DAB1: variants seen among roughly 807,000 people sequenced by gnomAD.
The protein encoded by DAB1 is disabled homolog 1.
Under a neutral mutation model 64.6 loss-of-function variants are expected in DAB1, and 15 were observed. The ratio of observed to expected loss-of-function variants is 0.23; its 90% CI spans 0.16 to 0.36. The LOEUF (loss-of-function observed/expected upper bound fraction) is 0.36, where lower values mean the gene tolerates loss of function less well. Among genes scored for constraint, DAB1 ranks in the 10% least tolerant of loss-of-function variants. The pLI is 1.00. For missense variants in DAB1, 596 were observed against 706.7 expected, an observed-to-expected ratio of 0.84 and a Z score of 1.78; for synonymous variants, 235 against 251.9, an observed-to-expected ratio of 0.93 and a Z score of 0.64.
At chr1:57,057,169 C>T (rs1649856204) in intron 9 of DAB1, among the ~76,000 whole-genome samples, 1 of 151,908 alleles carries the variant, frequency 6.6e-6, no homozygotes, top group African/African-American at 2.4e-5. Flanking sequence ...ATGAATCTCC[C>T]CAGATAATGG....
rs1491290822 is a variant in DAB1 at position 57,533,672 on chromosome 1, TTA to T, written n.625+115918_625+115919del. The stretch of plus-strand genomic sequence containing the variant: ...CCATTCAGCTTCCTTGCAGCCAAAA[TTA>T]AAAAAAAAAAAATGCATGTATGACT... On this transcript the variant is annotated intron_variant and non_coding_transcript_variant, in intron 7 of 20. Coordinates refer to the DAB1 transcript ENST00000485760. 2.5e-4 allele frequency among the ~76,000 whole-genome samples: 6 copies of T among 23,740 alleles called. No homozygotes were observed. The Admixed American group carries it at 4.6e-3, about 18-fold the overall frequency. 15.6% of individuals were successfully genotyped at this position (23,740 alleles called of 152,430 possible).
intron 2 of DAB1, among the ~76,000 whole-genome samples, chr1:57,279,304 T>A (rs897003406): frequency 2.6e-5 from 4 of 152,250 alleles, no homozygotes; most frequent in African/African-American, 9.6e-5. Context: ...AAATCATCTC[T>A]AGATTACTCG....
chr1:57,828,840 G>T (rs763486523), intron 1 of DAB1, among the ~76,000 whole-genome samples: 3 of 152,146 alleles, frequency 2.0e-5, no homozygotes, highest in African/African-American at 7.2e-5. Context: ...AAAAGGCTGA[G>T]AGGAAAAGAT....
intron 2 of DAB1, among the ~76,000 whole-genome samples, chr1:57,146,951 C>T (rs1331262094): frequency 1.3e-5 from 2 of 151,950 alleles, no homozygotes; most frequent in African/African-American, 2.4e-5. Flanking sequence ...TTAGCATGAG[C>T]AGTAACTTCA....
intron 5 of DAB1, among the ~76,000 whole-genome samples, chr1:58,021,824 G>T (rs1646819676): frequency 6.6e-6 from 1 of 152,182 alleles, no homozygotes; most frequent in African/African-American, 2.4e-5. Flanking sequence ...GAATGATCTG[G>T]ATCAATCCCA....
At chr1:57,451,985 T>G (rs1366201048) in intron 7 of DAB1, among the ~76,000 whole-genome samples, 1 of 152,024 alleles carries the variant, frequency 6.6e-6, no homozygotes, top group Non-Finnish European at 1.5e-5. Context: ...TTTTCATTCA[T>G]TATTGCACGT....
chr1:57,223,986 A>C (rs538716900), intron 2 of DAB1, among the ~76,000 whole-genome samples: 1 of 152,304 alleles, frequency 6.6e-6, no homozygotes, highest in African/African-American at 2.4e-5. Context: ...AAATGATTTT[A>C]TGTGAGGTAC....
intron 5 of DAB1, chr1:58,048,874 C>CTG (rs1230002109): frequency 2.1e-6 from 2 of 936,882 alleles, no homozygotes; most frequent in Non-Finnish European, 1.7e-6. Context: ...TTGCCACTGC[C>CTG]TCAGTCAGTC....
At chr1:57,598,091 C>T (rs1645532353) in intron 7 of DAB1, among the ~76,000 whole-genome samples, 1 of 152,136 alleles carries the variant, frequency 6.6e-6, no homozygotes, top group Non-Finnish European at 1.5e-5. Context: ...TACGCCATTC[C>T]CCTGCCTCAG....
At chr1:57,735,779 G>A (rs1647663599) in intron 6 of DAB1, among the ~76,000 whole-genome samples, 2 of 152,062 alleles carry the variant, frequency 1.3e-5, no homozygotes, top group African/African-American at 4.8e-5. Context: ...TGTTTAGAAT[G>A]TTAAATATCC....
intron 4 of DAB1, among the ~76,000 whole-genome samples, chr1:57,125,606 T>C (rs999724511): frequency 6.6e-6 from 1 of 151,872 alleles, no homozygotes; most frequent in African/African-American, 2.4e-5. Flanking sequence ...GATGGGTAAA[T>C]AGAAAGAAAA....
At chr1:57,429,117 GT>G (rs1685404973) in intron 7 of DAB1, among the ~76,000 whole-genome samples, 1 of 151,950 alleles carries the variant, frequency 6.6e-6, no homozygotes, top group Non-Finnish European at 1.5e-5. Flanking sequence ...GTCTCCCTAT[GT>G]TTTTCACGCT....
intron 2 of DAB1, among the ~76,000 whole-genome samples, chr1:57,151,718 A>T (rs966407625): frequency 6.6e-6 from 1 of 151,902 alleles, no homozygotes; most frequent in African/African-American, 2.4e-5. Context: ...GAAGAAAAAA[A>T]GTTGTTAGTA....
At chr1:57,580,996 A>G (rs1016812026) in intron 7 of DAB1, among the ~76,000 whole-genome samples, 2 of 152,184 alleles carry the variant, frequency 1.3e-5, no homozygotes, top group Non-Finnish European at 1.5e-5. Context: ...AGGAATGAGA[A>G]AATTAGATGC....
intron 4 of DAB1, among the ~76,000 whole-genome samples, chr1:58,170,841 G>A (rs1396380389): frequency 6.6e-6 from 1 of 152,166 alleles, no homozygotes; most frequent in Non-Finnish European, 1.5e-5. Flanking sequence ...GACTGAGGAT[G>A]CCCGGGGCAA....
intron 5 of DAB1, among the ~76,000 whole-genome samples, chr1:58,063,700 C>T (rs1005434650): frequency 2.0e-5 from 3 of 152,180 alleles, no homozygotes; most frequent in Non-Finnish European, 2.9e-5. Context: ...GGTCTCTGTG[C>T]TTTCCCTGCA....
In DAB1 at chr1:57,997,541, G is replaced by A. The variant is rs927642842; in HGVS notation, n.388-113379C>T. On this transcript the variant is annotated intron_variant and non_coding_transcript_variant, in intron 5 of 20. Coordinates refer to the DAB1 transcript ENST00000485760. ...TCAGTTGAATTCCTTCTTCCAAGGA[G>A]GCAAGGTTTGAGGTTGCTGCAGACT... Among the ~76,000 whole-genome samples the A allele has an allele frequency of 6.6e-5, 10 of 152,202 alleles. No homozygotes were observed. In the East Asian group the frequency reaches 1.4e-3, roughly 21 times the overall value.
intron 3 of DAB1, among the ~76,000 whole-genome samples, chr1:58,479,871 C>T (rs545699584): frequency 6.6e-5 from 10 of 151,966 alleles, no homozygotes; most frequent in Admixed American, 1.3e-4. Flanking sequence ...AATAATAAAA[C>T]CTAGTAGGGT....
intron 7 of DAB1, among the ~76,000 whole-genome samples, chr1:57,431,636 A>G (rs951986204): frequency 1.3e-5 from 2 of 152,250 alleles, no homozygotes; most frequent in Admixed American, 1.3e-4. Context: ...AGCGGACAGC[A>G]GCAACACTGG....
Sources: allele counts gnomAD v4.1 joint callset (sites outside exome capture counted in the v4.1 genomes callset), GRCh38; gene constraint gnomAD v4.1.1; transcripts MANE v1.5; gene names NCBI Gene and HGNC (gene_info 2026-07-23, HGNC 2026-07-21).